Variants in ZFHX3 observed in about 807,000 individuals in gnomAD.
The protein encoded by ZFHX3 is zinc finger homeobox protein 3.
Under a neutral mutation model 279.1 loss-of-function variants are expected in ZFHX3, and 42 were observed. That is an observed-to-expected ratio of 0.15 (90% CI 0.12 to 0.19). The LOEUF (loss-of-function observed/expected upper bound fraction) is 0.19, where lower values mean the gene tolerates loss of function less well. Among genes scored for constraint, ZFHX3 ranks in the 10% least tolerant of loss-of-function variants. The pLI is 1.00. For synonymous variants in ZFHX3, 2,293 were observed against 1,957.8 expected (o/e 1.17, Z -4.52); for missense variants, 4,981 against 4,754.0 (o/e 1.05, Z -1.40).
intron 1 of ZFHX3, among the ~76,000 whole-genome samples, chr16:73,023,890 G>C (rs1278461402): frequency 2.6e-5 from 4 of 152,130 alleles, no homozygotes; most frequent in Non-Finnish European, 5.9e-5. Flanking sequence ...GGACACTTCC[G>C]TTTCAGGACA....
chr16:73,170,523 C>T (rs1371019786), intron 5 of ZFHX3, among the ~76,000 whole-genome samples: 1 of 152,092 alleles, frequency 6.6e-6, no homozygotes, highest in Non-Finnish European at 1.5e-5. Flanking sequence ...AGCCACCGTG[C>T]CCAGCCCTCA....
intron 7 of ZFHX3, among the ~76,000 whole-genome samples, chr16:73,108,123 T>C (rs975559611): frequency 2.0e-5 from 3 of 152,092 alleles, no homozygotes; most frequent in Non-Finnish European, 2.9e-5. Flanking sequence ...ATTGTGCCAC[T>C]GCACTCCAGC....
chr16:72,787,236 C>G lies in ZFHX3; in HGVS notation c.11040G>C (p.Glu3680Asp). 1.2e-6 allele frequency: 2 copies of G among 1,614,022 alleles called. No individual in the cohort carries two copies. Among genetic ancestry groups the G allele is most frequent in the Non-Finnish European group, 1.7e-6 (2 of 1,179,994 alleles). Residue 3680 changes from glutamate to aspartate, a missense_variant, in exon 10 of 10, where the codon GAG (glutamate) becomes GAC (aspartate). Coordinates refer to ENST00000268489, the MANE Select transcript of ZFHX3 (RefSeq NM_006885.4). ...TGGGGCAGCTGGGGTCTTTGGGACC[C>G]TCCACCGGGCTCGCCGGTCCGTCGG... ...QKSDGPASPV[E>D]GPKDPSCPKD...
intron 5 of ZFHX3, among the ~76,000 whole-genome samples, chr16:73,155,262 G>A (rs1967050652): frequency 6.6e-6 from 1 of 150,714 alleles, no homozygotes; most frequent in African/African-American, 2.4e-5. Context: ...AGTTTCACTT[G>A]ATCTACCAAA....
chr16:73,647,327 T>TA (rs767681036), intron 2 of ZFHX3, among the ~76,000 whole-genome samples: 1 of 152,194 alleles, frequency 6.6e-6, no homozygotes, highest in Non-Finnish European at 1.5e-5. Flanking sequence ...TGCATTTGTG[T>TA]CTCCACCCAA....
chr16:73,768,634 T>C (rs2053981383), intron 1 of ZFHX3, among the ~76,000 whole-genome samples: 1 of 152,204 alleles, frequency 6.6e-6, no homozygotes, highest in African/African-American at 2.4e-5. Flanking sequence ...TATTAATACA[T>C]TCCTGTTGTC....
At chr16:73,669,179 A>C (rs1011556966) in intron 2 of ZFHX3, among the ~76,000 whole-genome samples, 2 of 151,804 alleles carry the variant, frequency 1.3e-5, no homozygotes, top group Admixed American at 6.6e-5. Flanking sequence ...TCAGCCTTGC[A>C]TGTAGCTGGG....
At chr16:72,930,841 C>A (rs1235309306) in intron 3 of ZFHX3, among the ~76,000 whole-genome samples, 1 of 152,098 alleles carries the variant, frequency 6.6e-6, no homozygotes, top group Non-Finnish European at 1.5e-5. Flanking sequence ...ATATGACAGT[C>A]ATAAAATGTA....
chr16:73,270,223 A>T (rs966482977), intron 4 of ZFHX3, among the ~76,000 whole-genome samples: 4 of 152,186 alleles, frequency 2.6e-5, no homozygotes, highest in African/African-American at 9.7e-5. Context: ...TGATACTGAG[A>T]TTCTTTTCAA....
intron 2 of ZFHX3, among the ~76,000 whole-genome samples, chr16:73,496,476 A>C (rs1488105391): frequency 6.6e-6 from 1 of 152,232 alleles, no homozygotes; most frequent in East Asian, 1.9e-4. Context: ...GGTTGCAGTG[A>C]GCCAAGATCG....
chr16:73,567,087 G>A (rs1442951121), intron 2 of ZFHX3, among the ~76,000 whole-genome samples: 2 of 151,644 alleles, frequency 1.3e-5, no homozygotes, highest in Admixed American at 6.6e-5. Context: ...GGGCTCAGAC[G>A]ATCCTCCCAC....
At chr16:73,730,736 A>G (rs572830375) in intron 1 of ZFHX3, among the ~76,000 whole-genome samples, 39 of 152,308 alleles carry the variant, frequency 2.6e-4, no homozygotes, top group African/African-American at 9.1e-4. Flanking sequence ...ATTTCCGGCC[A>G]TTTTTTCAAA....
At chr16:73,502,386 C>A (rs186309554) in intron 2 of ZFHX3, among the ~76,000 whole-genome samples, 1 of 152,316 alleles carries the variant, frequency 6.6e-6, no homozygotes, top group East Asian at 1.9e-4. Flanking sequence ...TCATGCTGTC[C>A]TTGTAACTCC....
chr16:73,384,651 C>G (rs141815846), intron 3 of ZFHX3, among the ~76,000 whole-genome samples: 1 of 152,324 alleles, frequency 6.6e-6, no homozygotes, highest in African/African-American at 2.4e-5. Flanking sequence ...TCATAGGCCT[C>G]ACTTACTGAT....
intron 6 of ZFHX3, among the ~76,000 whole-genome samples, chr16:73,139,259 T>C (rs979135414): frequency 6.6e-6 from 1 of 152,178 alleles, no homozygotes; most frequent in Non-Finnish European, 1.5e-5. Context: ...TCAAAAATTA[T>C]TGAAAATGTA....
chr16:72,995,479 G>C (rs1963252169), intron 1 of ZFHX3, among the ~76,000 whole-genome samples: 1 of 152,136 alleles, frequency 6.6e-6, no homozygotes, highest in Non-Finnish European at 1.5e-5. Context: ...TAAACCGCTG[G>C]CACAAACCTC....
intron 2 of ZFHX3, among the ~76,000 whole-genome samples, chr16:73,464,419 C>A (rs1462609186): frequency 2.0e-5 from 3 of 151,354 alleles, no homozygotes; most frequent in Admixed American, 1.3e-4. Flanking sequence ...GCTTCTCCAA[C>A]CATTCTCTCT....
chr16:72,787,269 G>A lies in ZFHX3; in HGVS notation c.11007C>T (p.Ser3669=). The change falls in exon 10 of 10, where the codon AGC becomes AGT. Residue 3669 remains serine, a synonymous_variant. Coordinates refer to ENST00000268489, the MANE Select transcript of ZFHX3 (RefSeq NM_006885.4). ...DYSEESDTDL[S]QKSDGPASPV... ...GGCTCGCCGGTCCGTCGGACTTTTGGCTGAGATCCGTGTCAGACTCCTCCG... is the reference window on the plus strand; with the variant it reads ...GGCTCGCCGGTCCGTCGGACTTTTGACTGAGATCCGTGTCAGACTCCTCCG... 2 of 1,614,078 alleles carry A rather than the reference G, an allele frequency of 1.2e-6. No individual in the cohort carries two copies. Among genetic ancestry groups the A allele is most frequent in the Non-Finnish European group, 1.7e-6 (2 of 1,180,028 alleles).
chr16:73,680,715 G>C (rs2053001287), intron 1 of ZFHX3, among the ~76,000 whole-genome samples: 1 of 152,184 alleles, frequency 6.6e-6, no homozygotes, highest in South Asian at 2.1e-4. Flanking sequence ...AAACTGAATG[G>C]TGGGTGTATA....
Sources: gnomAD v4.1 joint callset for allele counts (sites outside exome capture counted in the v4.1 genomes callset) on GRCh38, gnomAD v4.1.1 for gene constraint, MANE v1.5 for transcripts, NCBI Gene and HGNC (gene_info 2026-07-23, HGNC 2026-07-21) for gene names.